The following RCAN2 variants were observed in gnomAD, a reference collection of about 807,000 sequenced individuals.
RCAN2 encodes calcipressin-2.
RCAN2 carries 9 observed loss-of-function variants against 23.6 expected under a neutral mutation model. That is an observed-to-expected ratio of 0.38 (90% CI 0.23 to 0.67). The LOEUF (loss-of-function observed/expected upper bound fraction) is 0.67. Ranked by LOEUF, RCAN2 falls within the 30% of genes least tolerant of loss-of-function variation. The probability of loss-of-function intolerance (pLI) is 0.51; values close to 1 mark genes in which losing one functional copy is unlikely to be tolerated. For synonymous variants in RCAN2, 109 were observed against 115.7 expected (o/e 0.94, Z 0.37); for missense variants, 273 against 302.3 (o/e 0.90, Z 0.72).
chr6:46,222,982 C>T lies in RCAN2; in HGVS notation c.*159G>A, dbSNP rs1765525479. On this transcript the variant is annotated 3_prime_UTR_variant, in exon 5 of 5. Transcript: ENST00000371374. ...GGTATGATATGATCAGGAGACATATCACCTTTTCCTAGCCCTTTTGTCCGA... is the reference window on the plus strand; with the variant it reads ...GGTATGATATGATCAGGAGACATATTACCTTTTCCTAGCCCTTTTGTCCGA... 5.7e-6 allele frequency: 4 copies of T among 703,760 alleles called. No individual in the cohort carries two copies. The highest frequency in any genetic ancestry group is 3.7e-5 in the South Asian group (2 of 54,070). 43.6% of individuals were successfully genotyped at this position (703,760 alleles called of 1,614,324 possible).
intron 2 of RCAN2, among the ~76,000 whole-genome samples, chr6:46,316,556 G>C (rs563600963): frequency 6.6e-6 from 1 of 152,298 alleles, no homozygotes; most frequent in Admixed American, 6.5e-5. Context: ...AGGAACTGAG[G>C]AGAATAAAGG....
At chr6:46,319,380 A>C (rs1023273723) in intron 2 of RCAN2, among the ~76,000 whole-genome samples, 8 of 152,228 alleles carry the variant, frequency 5.3e-5, no homozygotes, top group Non-Finnish European at 7.3e-5. Context: ...CTGTTTCTTT[A>C]GGAAAACAAT....
chr6:46,400,558 G>T (rs534467910), intron 2 of RCAN2, among the ~76,000 whole-genome samples: 1 of 152,160 alleles, frequency 6.6e-6, no homozygotes, highest in African/African-American at 2.4e-5. Context: ...TGCCAAACTC[G>T]AAAGAACTTG....
At chr6:46,360,766 A>T (rs1263261428) in intron 2 of RCAN2, among the ~76,000 whole-genome samples, 1 of 152,132 alleles carries the variant, frequency 6.6e-6, no homozygotes, top group Non-Finnish European at 1.5e-5. Flanking sequence ...ACAAATCTGT[A>T]TTGGTTCTAT....
intron 2 of RCAN2, among the ~76,000 whole-genome samples, chr6:46,368,557 TG>T (rs375029477): frequency 6.2e-4 from 94 of 152,334 alleles, no homozygotes; most frequent in Non-Finnish European, 1.1e-3. Context: ...CTAAGCTATA[TG>T]GTATAGCTTA....
intron 2 of RCAN2, among the ~76,000 whole-genome samples, chr6:46,287,045 C>T (rs944013609): frequency 1.3e-5 from 2 of 152,038 alleles, no homozygotes; most frequent in East Asian, 3.9e-4. Context: ...AATACCCAAC[C>T]AGGCAAAGAA....
intron 2 of RCAN2, among the ~76,000 whole-genome samples, chr6:46,418,549 C>T (rs1766775016): frequency 6.6e-6 from 1 of 151,856 alleles, no homozygotes; most frequent in Non-Finnish European, 1.5e-5. Context: ...TGTCCCCAGA[C>T]CCACTGACCC....
chr6:46,488,554 C>A (rs1769055624), intron 1 of RCAN2, among the ~76,000 whole-genome samples: 1 of 152,196 alleles, frequency 6.6e-6, no homozygotes, highest in Admixed American at 6.5e-5. Flanking sequence ...AGCAACCTTA[C>A]ACAGTCTCAG....
intron 2 of RCAN2, among the ~76,000 whole-genome samples, chr6:46,341,627 A>G (rs1200631397): frequency 6.6e-6 from 1 of 151,966 alleles, no homozygotes; most frequent in Non-Finnish European, 1.5e-5. Flanking sequence ...TGAGACCCCC[A>G]TCTCTACTAA....
intron 2 of RCAN2, among the ~76,000 whole-genome samples, chr6:46,383,352 T>C (rs1765661288): frequency 6.6e-6 from 1 of 152,112 alleles, no homozygotes; most frequent in Admixed American, 6.5e-5. Context: ...AGGAACAGCT[T>C]AGGCGAAGAC....
intron 1 of RCAN2, among the ~76,000 whole-genome samples, chr6:46,490,654 TC>T (rs1769113428): frequency 6.6e-6 from 1 of 152,104 alleles, no homozygotes; most frequent in African/African-American, 2.4e-5. Flanking sequence ...AGGCCGCTAA[TC>T]CCAAGCAGGA....
rs552810994 is a variant in RCAN2 at position 46,486,395 on chromosome 6, A to G, written c.-3+4778T>C. On this transcript the variant is annotated intron_variant, in intron 1 of 4. Transcript: ENST00000371374. ...TGACTGTTAGGTCAATGGGAAGCTC[A>G]AGGTCACATAGCAGGGAAATGACAG... Among the ~76,000 whole-genome samples the G allele has an allele frequency of 3.3e-5, 5 of 152,298 alleles. No individual in the cohort carries two copies. In the South Asian group the frequency reaches 1.0e-3, roughly 32 times the overall value.
chr6:46,268,800 T>C (rs1767428713), intron 2 of RCAN2, among the ~76,000 whole-genome samples: 1 of 152,224 alleles, frequency 6.6e-6, no homozygotes, highest in Non-Finnish European at 1.5e-5. Flanking sequence ...ATTTTGGAGT[T>C]CAGAACTTTT....
Position 46,356,706 on chromosome 6 carries a change from G to A in RCAN2, c.225+100046C>T, listed in dbSNP as rs1269111914. Among the ~76,000 whole-genome samples the A allele has an allele frequency of 3.9e-5, 6 of 152,270 alleles. No individual in the cohort carries two copies. The South Asian group carries it at 8.3e-4, about 21-fold the overall frequency. ...ATGAGAAATGGGAGGCTCAGAGAAC[G>A]AAGGAAACTTGCCAAAGGTCAAAGA... is the stretch of plus-strand genomic sequence containing the variant. On this transcript the variant is annotated intron_variant, in intron 2 of 4. Transcript: ENST00000371374.
At chr6:46,440,611 T>C (rs1414053642) in intron 2 of RCAN2, among the ~76,000 whole-genome samples, 3 of 152,006 alleles carry the variant, frequency 2.0e-5, no homozygotes, top group Admixed American at 6.5e-5. Flanking sequence ...ATATTACATA[T>C]ATACATAATT....
intron 2 of RCAN2, among the ~76,000 whole-genome samples, chr6:46,261,771 G>C (rs1463348769): frequency 6.6e-6 from 1 of 152,092 alleles, no homozygotes; most frequent in African/African-American, 2.4e-5. Flanking sequence ...TGAAAATGTA[G>C]AGCCCAAATT....
intron 1 of RCAN2, among the ~76,000 whole-genome samples, chr6:46,473,644 C>T (rs1768630499): frequency 6.6e-6 from 1 of 152,092 alleles, no homozygotes; most frequent in Non-Finnish European, 1.5e-5. Context: ...ATAGAGAAAA[C>T]TATGCATTAT....
chr6:46,413,597 T>C lies in RCAN2; in HGVS notation c.225+43155A>G, dbSNP rs547976597. Among the ~76,000 whole-genome samples, 8 of 152,356 alleles carry C rather than the reference T, an allele frequency of 5.3e-5. 1 individual carries two copies. In the East Asian group the frequency reaches 1.5e-3, roughly 29 times the overall value. On this transcript the variant is annotated intron_variant, in intron 2 of 4. Coordinates refer to ENST00000371374, the MANE Select transcript of RCAN2 (RefSeq NM_001251974.2). ...GGGTTAAAATAAGCCTGTACGAGTA[T>C]ATGATCTTAGAAATATAAGATTTAC...
At chr6:46,454,627 C>T (rs1042931901) in intron 2 of RCAN2, among the ~76,000 whole-genome samples, 12 of 152,202 alleles carry the variant, frequency 7.9e-5, no homozygotes, top group African/African-American at 2.4e-4. Context: ...AATTCACCTC[C>T]ATGGCTGTAA....
Sources: gnomAD v4.1 joint callset for allele counts (sites outside exome capture counted in the v4.1 genomes callset) on GRCh38, gnomAD v4.1.1 for gene constraint, MANE v1.5 for transcripts, NCBI Gene and HGNC (gene_info 2026-07-23, HGNC 2026-07-21) for gene names.